C10orf67: variants seen among roughly 807,000 people sequenced by gnomAD.
C10orf67 encodes chromosome 10 open reading frame 67.
Under a neutral mutation model 35.6 loss-of-function variants are expected in C10orf67, and 60 were observed. The ratio of observed to expected loss-of-function variants is 1.68; its 90% CI spans 1.37 to 2.09. The LOEUF (loss-of-function observed/expected upper bound fraction) is 2.09, where lower values mean the gene tolerates loss of function less well. Among genes scored for constraint, C10orf67 ranks in the 30% most tolerant of loss-of-function variants. C10orf67 has a pLI of 0.00. For missense variants in C10orf67, 474 were observed against 330.2 expected, an observed-to-expected ratio of 1.44 and a Z score of -3.38; for synonymous variants, 167 against 115.8, an observed-to-expected ratio of 1.44 and a Z score of -2.84.
Position 23,289,894 on chromosome 10 carries a change from T to G in C10orf67, c.909+6A>C, listed in dbSNP as rs1277834699. ...AGTCATTTATCAACGTAAAACGTTA[T>G]AGTACCTTTTGAATAGTTTTGTGAT... On this transcript the variant is annotated splice_donor_region_variant and intron_variant, in intron 7 of 15. Transcript: ENST00000636213. 1.4e-6 allele frequency: 1 copy of G among 716,586 alleles called. No individual in the cohort carries two copies. The highest frequency in any genetic ancestry group is 2.0e-5 in the Admixed American group (1 of 49,890). The allele number at this position is 716,586 out of a possible 1,614,324, so 44.4% of individuals were successfully genotyped here.
intron 13 of C10orf67, among the ~76,000 whole-genome samples, chr10:23,226,485 C>T (rs1366523710): frequency 6.6e-6 from 1 of 152,016 alleles, no homozygotes; most frequent in South Asian, 2.1e-4. Context: ...CAAGAGAAAG[C>T]AGGAAAGATC....
chr10:23,253,621 T>C (rs1310695367), intron 10 of C10orf67, among the ~76,000 whole-genome samples: 1 of 152,224 alleles, frequency 6.6e-6, no homozygotes, highest in Non-Finnish European at 1.5e-5. Flanking sequence ...AATATACTTA[T>C]TTCACTATAT....
chr10:23,314,876 TTCGATTGACCA>T (rs1327333013), intron 4 of C10orf67, among the ~76,000 whole-genome samples: 2 of 152,198 alleles, frequency 1.3e-5, no homozygotes, highest in Admixed American at 1.3e-4. Context: ...CTTTGCTGTA[TTCGATTGACCA>T]GAAGCAAAAG....
chr10:23,313,606 C>G (rs1261264745), intron 4 of C10orf67, among the ~76,000 whole-genome samples: 1 of 152,142 alleles, frequency 6.6e-6, no homozygotes, highest in Non-Finnish European at 1.5e-5. Flanking sequence ...AAATGTGATA[C>G]AATTCACTGT....
chr10:23,250,566 GAA>G (rs1842420595), intron 11 of C10orf67, 44 bp downstream of exon 11: 1 of 398,486 alleles, frequency 2.5e-6, no homozygotes, highest in Non-Finnish European at 4.4e-6. Context: ...AGTTACAAAT[GAA>G]CATTATATCT....
At chr10:23,218,151 A>G (rs1029483890) in intron 15 of C10orf67, among the ~76,000 whole-genome samples, 1 of 151,970 alleles carries the variant, frequency 6.6e-6, no homozygotes, top group African/African-American at 2.4e-5. Context: ...CCAGGTTTTT[A>G]TTTGTTTGTG....
chr10:23,290,160 G>A lies in C10orf67; in HGVS notation c.851-202C>T, dbSNP rs148215412. ...AGATGGCCGGTCAGATAGGGATTAA[G>A]AAGTAAGTTCAAGATCCAAGTGTGG... On this transcript the variant is annotated intron_variant, in intron 6 of 15. Transcript: ENST00000636213. Among the ~76,000 whole-genome samples the A allele has an allele frequency of 1.5e-3, 226 of 152,338 alleles. 3 individuals carry two copies. Among genetic ancestry groups the A allele is most frequent in the African/African-American group, 5.3e-3 (219 of 41,576 alleles).
intron 8 of C10orf67, among the ~76,000 whole-genome samples, chr10:23,273,419 T>C (rs1266102476): frequency 6.6e-6 from 1 of 152,220 alleles, no homozygotes; most frequent in African/African-American, 2.4e-5. Context: ...ATGCTTTTTC[T>C]TCATCCACCT....
chr10:23,336,503 T>C (rs1027345058), intron 1 of C10orf67, among the ~76,000 whole-genome samples: 3 of 152,162 alleles, frequency 2.0e-5, no homozygotes, highest in Non-Finnish European at 4.4e-5. Flanking sequence ...TTCTTTTCTT[T>C]CTTCTCCTTT....
chr10:23,265,614 G>C (rs1291131629), intron 10 of C10orf67, among the ~76,000 whole-genome samples: 1 of 152,204 alleles, frequency 6.6e-6, no homozygotes, highest in East Asian at 1.9e-4. Context: ...AGAGCAGAAG[G>C]CTGTAGAGAT....
chr10:23,247,670 A>T (rs148935904), intron 12 of C10orf67, among the ~76,000 whole-genome samples: 94 of 152,372 alleles, frequency 6.2e-4, no homozygotes, highest in African/African-American at 2.1e-3. Context: ...ATTCCCAAAC[A>T]TAAAAGACAA....
intron 15 of C10orf67, among the ~76,000 whole-genome samples, chr10:23,219,756 T>C (rs1300109720): frequency 6.6e-6 from 1 of 152,198 alleles, no homozygotes; most frequent in Non-Finnish European, 1.5e-5. Context: ...TGATGTAACA[T>C]TATTTTAAAT....
intron 4 of C10orf67, among the ~76,000 whole-genome samples, chr10:23,320,493 T>A (rs1169742782): frequency 6.6e-6 from 1 of 152,164 alleles, no homozygotes; most frequent in East Asian, 1.9e-4. Flanking sequence ...CCAAATAAAC[T>A]TTGGATTACT....
intron 8 of C10orf67, among the ~76,000 whole-genome samples, chr10:23,276,632 T>C (rs1588642177): frequency 6.6e-6 from 1 of 152,196 alleles, no homozygotes; most frequent in Admixed American, 6.5e-5. Flanking sequence ...TTTTAATCAA[T>C]AAACTTTATA....
At chr10:23,322,600 G>T in intron 2 of C10orf67, 63 bp from the exon 3 acceptor site, 1 of 1,108,786 alleles carries the variant, frequency 9.0e-7, no homozygotes, top group Non-Finnish European at 1.3e-6. Context: ...AATACTGCAT[G>T]TTGTCACTTG....
chr10:23,306,216 G>A (rs1040459413), intron 4 of C10orf67, among the ~76,000 whole-genome samples: 5 of 152,086 alleles, frequency 3.3e-5, no homozygotes, highest in African/African-American at 1.2e-4. Context: ...AGTTGAACTT[G>A]AAGCAGGGAG....
rs1841095479 is a variant in C10orf67 at position 23,204,208 on chromosome 10, T to A, written c.1618A>T (p.Met540Leu). Residue 540 changes from methionine (M) to leucine (L), a missense_variant, in exon 16 of 16, where the codon ATG (methionine) becomes TTG (leucine). Coordinates refer to ENST00000636213, the MANE Select transcript of C10orf67 (RefSeq NM_001371909.1). The stretch of plus-strand genomic sequence containing the variant: ...GTCTCTGCGGGGCTGCTCTGGCGCA[T>A]GGAGGGCTCCTCCAAGGACTCTTCT... Reference protein sequence around the residue: ...PKEESLEEPSMRQSSPAETVD With the variant: ...PKEESLEEPSLRQSSPAETVD 1 of 652,728 alleles carries A rather than the reference T, an allele frequency of 1.5e-6. No homozygotes were observed. The highest frequency in any genetic ancestry group is 2.9e-6 in the Non-Finnish European group (1 of 349,244). 40.4% of individuals were successfully genotyped at this position (652,728 alleles called of 1,614,324 possible).
chr10:23,247,950 G>C (rs866109522), intron 12 of C10orf67, among the ~76,000 whole-genome samples: 4 of 152,246 alleles, frequency 2.6e-5, no homozygotes, highest in Middle Eastern at 3.4e-3. Context: ...TTTACAGAGG[G>C]TTCCAAGGTG....
In C10orf67 at chr10:23,267,248, T is replaced by TATTA; in HGVS notation, c.978_981dup (p.Lys328Ter). The TATTA allele has an allele frequency of 1.4e-6, 1 of 714,960 alleles. No homozygotes were observed. Among genetic ancestry groups the TATTA allele is most frequent in the South Asian group, 1.5e-5 (1 of 67,220 alleles). 44.3% of individuals were successfully genotyped at this position (714,960 alleles called of 1,614,324 possible). On this transcript the variant is annotated stop_gained and frameshift_variant, in exon 9 of 16. Coordinates refer to ENST00000636213, the MANE Select transcript of C10orf67 (RefSeq NM_001371909.1). LOFTEE classifies it high-confidence loss of function. ...CTCATTTCCTTGTCCTCTTTCTGTTTATTAATCTGTAAAATTGAAGACCCA... is the reference window on the plus strand; with the variant it reads ...CTCATTTCCTTGTCCTCTTTCTGTTTATTAATTAATCTGTAAAATTGAAGACCCA...
Sources: gnomAD v4.1 joint callset for allele counts (sites outside exome capture counted in the v4.1 genomes callset) on GRCh38, gnomAD v4.1.1 for gene constraint, MANE v1.5 for transcripts, NCBI Gene and HGNC (gene_info 2026-07-23, HGNC 2026-07-21) for gene names.